Variants in SMYD3 observed in about 807,000 individuals in gnomAD.
SMYD3 encodes the protein histone-lysine N-methyltransferase SMYD3.
Under a neutral mutation model 57.7 loss-of-function variants are expected in SMYD3, and 36 were observed. The ratio of observed to expected loss-of-function variants is 0.62; its 90% CI spans 0.48 to 0.82. SMYD3 has a LOEUF of 0.82. SMYD3 is among the 40% of genes least tolerant of loss of function. The pLI is 0.00. For missense variants in SMYD3, 515 were observed against 538.8 expected, an observed-to-expected ratio of 0.96 and a Z score of 0.44; for synonymous variants, 211 against 195.0, an observed-to-expected ratio of 1.08 and a Z score of -0.68.
At chr1:245,780,129 A>T (rs1052184296) in intron 10 of SMYD3, among the ~76,000 whole-genome samples, 1 of 152,216 alleles carries the variant, frequency 6.6e-6, no homozygotes, top group African/African-American at 2.4e-5. Flanking sequence ...TCCTCAAAAC[A>T]TTAAACGACA....
chr1:245,896,389 C>CAAAAAAAAAAAAAAAAAAAAA (rs3052904), intron 8 of SMYD3, among the ~76,000 whole-genome samples: 4 of 73,724 alleles, frequency 5.4e-5, no homozygotes, highest in African/African-American at 1.4e-4. Context: ...TTTGCCAAGT[C>CAAAAAAAAAAAAAAAAAAAAA]AAAAAAAAAA....
chr1:246,016,577 C>T (rs2059380535), intron 5 of SMYD3, among the ~76,000 whole-genome samples: 1 of 151,524 alleles, frequency 6.6e-6, no homozygotes, highest in Admixed American at 6.6e-5. Context: ...TAGCAAAATT[C>T]AGTCTCAAAA....
intron 2 of SMYD3, among the ~76,000 whole-genome samples, chr1:246,350,808 A>G (rs1409267691): frequency 6.6e-6 from 1 of 152,222 alleles, no homozygotes; most frequent in African/African-American, 2.4e-5. Context: ...AGGCAAAGGT[A>G]AAGTGGGAAA....
chr1:246,238,893 G>GT (rs35415664), intron 5 of SMYD3, among the ~76,000 whole-genome samples: 22,735 of 133,048 alleles, frequency 0.17, 2,132 homozygotes, highest in East Asian at 0.34. Context: ...TCTTTGTTTG[G>GT]TTTTTTTTTT....
chr1:245,797,562 T>A (rs1040998161), intron 10 of SMYD3, among the ~76,000 whole-genome samples: 116 of 149,682 alleles, frequency 7.7e-4, no homozygotes, highest in African/African-American at 2.4e-3. Context: ...CATTAGGAGA[T>A]ATACCTAATG....
chr1:246,314,878 A>G (rs2065132340), intron 5 of SMYD3, among the ~76,000 whole-genome samples: 1 of 152,232 alleles, frequency 6.6e-6, no homozygotes, highest in African/African-American at 2.4e-5. Flanking sequence ...CTTTACACAG[A>G]TAGGCTTCAA....
chr1:245,835,414 G>A (rs909950957), intron 10 of SMYD3, among the ~76,000 whole-genome samples: 16 of 151,986 alleles, frequency 1.1e-4, no homozygotes, highest in African/African-American at 2.9e-4. Context: ...CACCGTGCCC[G>A]GCCCCTGAGG....
intron 5 of SMYD3, among the ~76,000 whole-genome samples, chr1:246,241,041 G>A (rs932310382): frequency 4.0e-5 from 6 of 151,750 alleles, no homozygotes; most frequent in Admixed American, 4.0e-4. Flanking sequence ...CTGCTAACAG[G>A]GACAATTTGA....
chr1:246,484,803 T>G (rs552666107), intron 1 of SMYD3, among the ~76,000 whole-genome samples: 2 of 112,592 alleles, frequency 1.8e-5, no homozygotes, highest in African/African-American at 3.3e-5. Context: ...ACCTAAACCA[T>G]TGTACTAGTT....
chr1:246,008,914 G>A (rs955160975), intron 5 of SMYD3, among the ~76,000 whole-genome samples: 7 of 152,192 alleles, frequency 4.6e-5, no homozygotes, highest in African/African-American at 9.7e-5. Context: ...AGGAGAGTCC[G>A]GGGATGAAGA....
rs890202470 is a variant in SMYD3, at chr1:246,085,678, T to C, written c.532-155741A>G. ...TCTCCACTCTTCATCAAACCTACTA[T>C]GAAACAAGCTCACGTTTAACTGCTT... On this transcript the variant is annotated intron_variant, in intron 5 of 11. Coordinates refer to ENST00000490107, the MANE Select transcript of SMYD3 (RefSeq NM_001167740.2). 3.3e-5 allele frequency among the ~76,000 whole-genome samples: 5 copies of C among 152,276 alleles called. 1 individual carries two copies. The highest frequency in any genetic ancestry group is 6.8e-3 in the Middle Eastern group (2 of 294).
intron 5 of SMYD3, among the ~76,000 whole-genome samples, chr1:246,310,430 G>A (rs2065056764): frequency 1.3e-5 from 2 of 152,174 alleles, no homozygotes; most frequent in African/African-American, 4.8e-5. Flanking sequence ...CACCTAACTG[G>A]AGGAGCAAAA....
At chr1:246,160,297 C>G (rs560914284) in intron 5 of SMYD3, among the ~76,000 whole-genome samples, 4 of 152,280 alleles carry the variant, frequency 2.6e-5, no homozygotes, top group South Asian at 2.1e-4. Context: ...CTATGTCTTT[C>G]TTTGCCTACC....
intron 1 of SMYD3, among the ~76,000 whole-genome samples, chr1:246,450,123 G>A (rs1369345877): frequency 6.6e-6 from 1 of 152,044 alleles, no homozygotes; most frequent in Non-Finnish European, 1.5e-5. Context: ...CCCCATCTCT[G>A]CTAAAAATAC....
intron 1 of SMYD3, among the ~76,000 whole-genome samples, chr1:246,385,496 T>C (rs796711885): frequency 3.3e-5 from 5 of 152,256 alleles, no homozygotes; most frequent in African/African-American, 1.2e-4. Context: ...ACCTCAAATC[T>C]GTGTATACTG....
At chr1:246,001,041 T>C (rs1293524327) in intron 5 of SMYD3, among the ~76,000 whole-genome samples, 1 of 152,158 alleles carries the variant, frequency 6.6e-6, no homozygotes, top group African/African-American at 2.4e-5. Flanking sequence ...TTTACACCAC[T>C]TCACTCAAGT....
intron 5 of SMYD3, among the ~76,000 whole-genome samples, chr1:246,073,630 T>A (rs2060495530): frequency 6.6e-6 from 1 of 152,118 alleles, no homozygotes. Flanking sequence ...GGTGGAAAGA[T>A]TGCTGGAGAC....
intron 5 of SMYD3, chr1:245,955,798 T>G (rs1285060711): frequency 9.3e-6 from 3 of 322,888 alleles, no homozygotes; most frequent in Admixed American, 6.5e-5. Flanking sequence ...AGCAACATAT[T>G]GTATGTTTAG....
At chr1:245,921,570 TAC>T (rs1553363010) in intron 7 of SMYD3, among the ~76,000 whole-genome samples, 30 of 147,962 alleles carry the variant, frequency 2.0e-4, no homozygotes, top group East Asian at 8.3e-4. Context: ...TATATATATA[TAC>T]ACATACCATG....
Sources: allele counts gnomAD v4.1 joint callset (sites outside exome capture counted in the v4.1 genomes callset), GRCh38; gene constraint gnomAD v4.1.1; transcripts MANE v1.5; gene names NCBI Gene and HGNC (gene_info 2026-07-23, HGNC 2026-07-21).